The following PLCG2 variants were observed in gnomAD, a reference collection of about 807,000 sequenced individuals.
PLCG2 encodes phospholipase C gamma 2, also known as 1-phosphatidylinositol 4,5-bisphosphate phosphodiesterase gamma-2.
Under a neutral mutation model 175.6 loss-of-function variants are expected in PLCG2, and 69 were observed. That is an observed-to-expected ratio of 0.39 (90% CI 0.32 to 0.48). The LOEUF (loss-of-function observed/expected upper bound fraction) is 0.48, where lower values mean the gene tolerates loss of function less well. PLCG2 is among the 20% of genes least tolerant of loss of function. The probability of loss-of-function intolerance (pLI) is 0.91; values close to 1 mark genes in which losing one functional copy is unlikely to be tolerated. For synonymous variants in PLCG2, 827 were observed against 624.0 expected, an observed-to-expected ratio of 1.33 and a Z score of -4.85; for missense variants, 1,798 against 1,650.9, an observed-to-expected ratio of 1.09 and a Z score of -1.54.
chr16:81,818,997 C>T (rs532379638), intron 2 of PLCG2, among the ~76,000 whole-genome samples: 1 of 148,450 alleles, frequency 6.7e-6, no homozygotes, highest in African/African-American at 2.5e-5. Flanking sequence ...TTATTTCATC[C>T]TTCTAGGCCC....
intron 2 of PLCG2, among the ~76,000 whole-genome samples, chr16:81,817,132 T>C (rs1342180345): frequency 6.6e-6 from 1 of 152,164 alleles, no homozygotes; most frequent in African/African-American, 2.4e-5. Context: ...CAAAGCCCTC[T>C]CTTTACAAGC....
chr16:81,876,545 A>G (rs77396456), intron 7 of PLCG2, among the ~76,000 whole-genome samples: 2,782 of 152,152 alleles, frequency 0.018, 87 homozygotes, highest in African/African-American at 0.065. Flanking sequence ...CCAGCTGGTA[A>G]CTTCTCCTGG....
intron 2 of PLCG2, among the ~76,000 whole-genome samples, chr16:81,843,185 G>A (rs1306301076): frequency 3.3e-5 from 5 of 152,170 alleles, no homozygotes; most frequent in African/African-American, 1.2e-4. Flanking sequence ...AGAATAAAGT[G>A]TTGTTTCAGT....
At chr16:81,852,468 A>G (rs1380054892) in intron 2 of PLCG2, among the ~76,000 whole-genome samples, 1 of 140,930 alleles carries the variant, frequency 7.1e-6, no homozygotes, top group East Asian at 2.8e-4. Flanking sequence ...AAGAAAGGGA[A>G]AGAAGGGACT....
intron 1 of PLCG2, chr16:81,783,195 C>T: frequency 2.1e-6 from 1 of 465,916 alleles, no homozygotes; most frequent in Non-Finnish European, 4.3e-6. Flanking sequence ...GGCCTAGAGA[C>T]CTGGGAGTGG....
rs561404856 is a variant in PLCG2 at position 81,753,863 on chromosome 16, G to C, written c.-144-2007G>C. Among the ~76,000 whole-genome samples the C allele has an allele frequency of 3.9e-5, 6 of 152,300 alleles. No individual in the cohort carries two copies. The South Asian group carries it at 1.2e-3, about 32-fold the overall frequency. ...GAAGCAGCTGGAGGGCTGGGAGAGG[G>C]CCTGGGGAGTGGGAAGTGGCTGCGG... On this transcript the variant is annotated intron_variant, in intron 1 of 5. Transcript: ENST00000565054.
intron 16 of PLCG2, 106 bp from the exon 17 acceptor site, chr16:81,908,310 C>T: frequency 5.7e-6 from 6 of 1,054,334 alleles, no homozygotes; most frequent in Non-Finnish European, 8.4e-6. Context: ...GCTGGCCTCT[C>T]TATGTTATCT....
At chr16:81,781,820 C>T (rs188847492) in intron 1 of PLCG2, among the ~76,000 whole-genome samples, 2 of 152,142 alleles carry the variant, frequency 1.3e-5, no homozygotes, top group East Asian at 3.9e-4. Flanking sequence ...ACAAAAACTT[C>T]CTTGATTTCT....
chr16:81,896,356 C>A (rs12932964), intron 13 of PLCG2, among the ~76,000 whole-genome samples: 3 of 147,362 alleles, frequency 2.0e-5, no homozygotes, highest in Admixed American at 6.9e-5. Flanking sequence ...GAAACCCCTT[C>A]TCTACCAAAA....
chr16:81,914,017 C>T (rs1447653818), intron 19 of PLCG2, among the ~76,000 whole-genome samples: 2 of 152,228 alleles, frequency 1.3e-5, no homozygotes, highest in Non-Finnish European at 2.9e-5. Context: ...GGCTTCTCAG[C>T]ATTGGTGCCT....
At chr16:81,903,708 C>T (rs2143638732) in intron 14 of PLCG2, among the ~76,000 whole-genome samples, 1 of 152,268 alleles carries the variant, frequency 6.6e-6, no homozygotes, top group Non-Finnish European at 1.5e-5. Context: ...GTTGGTGAGT[C>T]TTCGGGGCAG....
intron 31 of PLCG2, among the ~76,000 whole-genome samples, chr16:81,947,904 T>A (rs1043388501): frequency 6.6e-6 from 1 of 152,186 alleles, no homozygotes; most frequent in Non-Finnish European, 1.5e-5. Context: ...TAGATTTCCA[T>A]TGCCTTATGA....
intron 30 of PLCG2, among the ~76,000 whole-genome samples, chr16:81,944,282 C>CCAAGCTTGGGTTGAAAATATT (rs138307047): frequency 0.019 from 2,822 of 152,138 alleles, 170 homozygotes; most frequent in East Asian, 0.15. Context: ...ACTCAACCAA[C>CCAAGCTTGGGTTGAAAATATT]CAAGCTTGGG....
At chr16:81,916,063 C>T (rs965264914) in intron 19 of PLCG2, among the ~76,000 whole-genome samples, 1 of 152,094 alleles carries the variant, frequency 6.6e-6, no homozygotes, top group Non-Finnish European at 1.5e-5. Flanking sequence ...TGGGTATTTT[C>T]ATTCTATTTT....
intron 8 of PLCG2, among the ~76,000 whole-genome samples, chr16:81,882,723 CCTT>C (rs546996230): frequency 2.2e-4 from 34 of 152,178 alleles, no homozygotes; most frequent in South Asian, 6.2e-4. Flanking sequence ...CTCTGCACCT[CCTT>C]CTTGCTCACC....
intron 20 of PLCG2, 124 bp downstream of exon 20, chr16:81,919,788 G>T: frequency 1.3e-6 from 1 of 745,738 alleles, no homozygotes; most frequent in Non-Finnish European, 2.2e-6. Context: ...AGGTCCTGGG[G>T]ATACAAATTG....
intron 15 of PLCG2, 57 bp downstream of exon 15, chr16:81,905,564 T>C: frequency 8.9e-7 from 1 of 1,125,720 alleles, no homozygotes; most frequent in Non-Finnish European, 1.4e-6. Context: ...AGCTGCTTCT[T>C]GGAGCCCTGC....
intron 2 of PLCG2, among the ~76,000 whole-genome samples, chr16:81,806,206 C>G (rs1326560305): frequency 6.6e-6 from 1 of 151,778 alleles, no homozygotes; most frequent in Non-Finnish European, 1.5e-5. Context: ...TAGTGGCTAC[C>G]ATATTGGATA....
chr16:81,868,414 C>G (rs549950014), intron 5 of PLCG2, among the ~76,000 whole-genome samples: 1 of 152,152 alleles, frequency 6.6e-6, no homozygotes, highest in Non-Finnish European at 1.5e-5. Flanking sequence ...CCCACTTACT[C>G]TGCATCCCTC....
Sources: allele counts gnomAD v4.1 joint callset (sites outside exome capture counted in the v4.1 genomes callset), GRCh38; gene constraint gnomAD v4.1.1; transcripts MANE v1.5; gene names NCBI Gene and HGNC (gene_info 2026-07-23, HGNC 2026-07-21).